ABLIM1: variants seen among roughly 807,000 people sequenced by gnomAD.
ABLIM1 encodes actin-binding LIM protein 1.
A neutral mutation model predicts 107.0 loss-of-function variants in ABLIM1; 40 were observed. That is an observed-to-expected ratio of 0.37 (90% CI 0.29 to 0.49). The LOEUF (loss-of-function observed/expected upper bound fraction) is 0.49, where lower values mean the gene tolerates loss of function less well. Among genes scored for constraint, ABLIM1 ranks in the 20% least tolerant of loss-of-function variants. ABLIM1 has a pLI of 0.97. For synonymous variants in ABLIM1, 357 were observed against 357.3 expected (o/e 1.00, Z 0.01); for missense variants, 857 against 1,008.5 (o/e 0.85, Z 2.04).
At position 114,727,606 on chromosome 10, in the gene ABLIM1, G is replaced by A. The variant is rs367997769; in HGVS notation, c.-213+40455C>T. Among the ~76,000 whole-genome samples the A allele has an allele frequency of 1.6e-4, 24 of 152,182 alleles. No individual in the cohort carries two copies. The East Asian group carries it at 2.1e-3, about 13-fold the overall frequency. On this transcript the variant is annotated intron_variant, in intron 1 of 15. Transcript: ENST00000651092. The stretch of plus-strand genomic sequence containing the variant: ...CATAGCAAGAAAGAATTTCTTAAAC[G>A]GGTCAAAAAACTCAAATCATAAAGA...
chr10:114,571,203 C>T lies in ABLIM1; in HGVS notation c.673+94G>A, dbSNP rs1370144411. On this transcript the variant is annotated intron_variant, in intron 4 of 22. Transcript: ENST00000533213. ...TCAAGTAGATAGATGACTCTCATTT[C>T]CAGCTAACAGCGTTTCTCAAAAAGG... 4.8e-6 allele frequency: 5 copies of T among 1,044,518 alleles called. No homozygotes were observed. In the African/African-American group the frequency reaches 6.3e-5, roughly 13 times the overall value. 64.7% of individuals were successfully genotyped at this position (1,044,518 alleles called of 1,614,324 possible).
In ABLIM1 at chr10:114,434,647, C is replaced by T. The variant is rs1354480726; in HGVS notation, c.*1613G>A. 6.6e-6 allele frequency: 1 copy of T among 152,154 alleles called. No homozygotes were observed. The highest frequency in any genetic ancestry group is 2.4e-5 in the African/African-American group (1 of 41,416). 9.4% of individuals were successfully genotyped at this position (152,154 alleles called of 1,614,324 possible). A position where few individuals can be genotyped will look rare whatever the true frequency, so the allele number is the denominator to read the frequency against. On this transcript the variant is annotated 3_prime_UTR_variant, in exon 23 of 23. Transcript: ENST00000533213. ...TCGGCTTTAAAACAGAGCTTAAATT[C>T]TTAAGCACAGCCCCAAAGCATGATA...
At chr10:114,690,264 T>C (rs1401057083) in intron 1 of ABLIM1, 9 of 1,531,240 alleles carry the variant, frequency 5.9e-6, no homozygotes, top group Middle Eastern at 3.4e-4. Context: ...AAAGACCACA[T>C]GCTTGCCATC....
chr10:114,749,543 CA>C (rs1293626524), intron 1 of ABLIM1, among the ~76,000 whole-genome samples: 1 of 151,364 alleles, frequency 6.6e-6, no homozygotes, highest in Non-Finnish European at 1.5e-5. Flanking sequence ...AGTCACAGAT[CA>C]GGGGTACTCG....
upstream of ABLIM1, among the ~76,000 whole-genome samples, chr10:114,660,506 C>CAA (rs373267155): frequency 6.8e-6 from 1 of 146,602 alleles, no homozygotes; most frequent in Non-Finnish European, 1.5e-5. Context: ...ATTCATCCAT[C>CAA]AAAAAAAAAA....
chr10:114,629,085 T>C lies in ABLIM1; in HGVS notation c.245-27124A>G, dbSNP rs765082736. ...GTGTCTGCAGCTGGAAGTGAATGGG[T>C]GCCTGGTCAGGAGAACAAAAGATAA... On this transcript the variant is annotated intron_variant, in intron 1 of 22. Transcript: ENST00000533213. The surrounding 1 kb of genome is among the most constrained non-coding windows in gnomAD (Gnocchi z 4.0). Among the ~76,000 whole-genome samples, 2 of 152,102 alleles carry C rather than the reference T, an allele frequency of 1.3e-5. No homozygotes were observed. Among genetic ancestry groups the C allele is most frequent in the Non-Finnish European group, 2.9e-5 (2 of 68,010 alleles).
intron 6 of ABLIM1, among the ~76,000 whole-genome samples, chr10:114,541,283 G>C (rs1451938501): frequency 6.6e-6 from 1 of 152,040 alleles, no homozygotes; most frequent in African/African-American, 2.4e-5. Context: ...AGAACCTCAA[G>C]AACTGTTTAA....
chr10:114,441,595 G>A, intron 18 of ABLIM1, 127 bp downstream of exon 18: 1 of 825,706 alleles, frequency 1.2e-6, no homozygotes, highest in Non-Finnish European at 1.9e-6. Context: ...AACCAGGGAG[G>A]TTAAAATTTT....
At chr10:114,746,074 A>G (rs2082378431) in intron 1 of ABLIM1, among the ~76,000 whole-genome samples, 1 of 152,232 alleles carries the variant, frequency 6.6e-6, no homozygotes, top group South Asian at 2.1e-4. Flanking sequence ...CTATTAACAT[A>G]TATATCACCT....
intron 1 of ABLIM1, among the ~76,000 whole-genome samples, chr10:114,722,166 G>C (rs2081862329): frequency 6.6e-6 from 1 of 152,184 alleles, no homozygotes; most frequent in African/African-American, 2.4e-5. Context: ...ATAATGAAAA[G>C]AGGTTTAGTT....
chr10:114,583,458 CACACACACACATATAT>C (rs2073780048), intron 2 of ABLIM1, among the ~76,000 whole-genome samples: 6 of 11,604 alleles, frequency 5.2e-4, no homozygotes, highest in Non-Finnish European at 7.0e-4. Flanking sequence ...CACACACACA[CACACACACACATATAT>C]ATATATATAT....
chr10:114,593,203 T>C (rs2075084462), intron 2 of ABLIM1, among the ~76,000 whole-genome samples: 1 of 152,232 alleles, frequency 6.6e-6, no homozygotes, highest in African/African-American at 2.4e-5. Context: ...TAATTTGTTC[T>C]TCCTTGATAA....
intron 10 of ABLIM1, 130 bp from the exon 11 acceptor site, chr10:114,468,346 T>C (rs2015975): frequency 0.43 from 340,856 of 798,786 alleles, 74,012 homozygotes; most frequent in African/African-American, 0.57. Context: ...GCAATCTCGG[T>C]TTACTGCAAT....
chr10:114,799,602 A>G, the ABLIM1 span, among the ~76,000 whole-genome samples: 1 of 151,806 alleles, frequency 6.6e-6, no homozygotes, highest in Non-Finnish European at 1.5e-5. Flanking sequence ...TTTTTCAGCA[A>G]CTCCCACCTG....
At chr10:114,740,061 A>C (rs560543952) in intron 1 of ABLIM1, among the ~76,000 whole-genome samples, 1 of 152,296 alleles carries the variant, frequency 6.6e-6, no homozygotes, top group South Asian at 2.1e-4. Flanking sequence ...TTGAACATAC[A>C]ATGTGCAATT....
intron 1 of ABLIM1, among the ~76,000 whole-genome samples, chr10:114,756,487 G>A (rs757017146): frequency 1.7e-4 from 26 of 151,932 alleles, no homozygotes; most frequent in Non-Finnish European, 2.9e-4. Context: ...CTTTTATGCC[G>A]AGATTTAGGG....
At chr10:114,541,066 A>G (rs2066595735) in intron 6 of ABLIM1, among the ~76,000 whole-genome samples, 1 of 152,184 alleles carries the variant, frequency 6.6e-6, no homozygotes, top group Non-Finnish European at 1.5e-5. Flanking sequence ...AGAGAAAAGG[A>G]GACAACACGC....
intron 6 of ABLIM1, among the ~76,000 whole-genome samples, chr10:114,504,210 C>A (rs968698757): frequency 6.6e-6 from 1 of 152,134 alleles, no homozygotes; most frequent in South Asian, 2.1e-4. Context: ...GTTAACAATA[C>A]CCTTTGTACT....
At chr10:114,695,377 T>C (rs763705242) in intron 1 of ABLIM1, among the ~76,000 whole-genome samples, 1 of 152,012 alleles carries the variant, frequency 6.6e-6, no homozygotes, top group Non-Finnish European at 1.5e-5. Context: ...CCCACTGGAG[T>C]AACCATTACT....
Sources: allele counts gnomAD v4.1 joint callset (sites outside exome capture counted in the v4.1 genomes callset), GRCh38; gene constraint gnomAD v4.1.1; non-coding constraint Gnocchi (gnomAD v3.1); transcripts MANE v1.5; gene names NCBI Gene and HGNC (gene_info 2026-07-23, HGNC 2026-07-21).